Variants in FUT8 observed in about 807,000 individuals in gnomAD.
The protein encoded by FUT8 is alpha-(1,6)-fucosyltransferase.
In FUT8, 29 loss-of-function variants were observed where a neutral mutation model predicts 71.3. The observed-to-expected ratio is 0.41, with a 90% CI of 0.30 to 0.55. The LOEUF (loss-of-function observed/expected upper bound fraction) is 0.55. FUT8 is among the 20% of genes least tolerant of loss of function. FUT8 has a pLI of 0.34. For missense variants in FUT8, 544 were observed against 702.1 expected (o/e 0.77, Z 2.55); for synonymous variants, 254 against 239.3 (o/e 1.06, Z -0.57).
At chr14:65,527,489 C>T (rs1394114952) in intron 2 of FUT8, among the ~76,000 whole-genome samples, 1 of 152,142 alleles carries the variant, frequency 6.6e-6, no homozygotes, top group East Asian at 1.9e-4. Flanking sequence ...AGGTTTTTAG[C>T]TTCTTTGTGA....
chr14:65,742,037 T>C (rs183187630), intron 10 of FUT8, 56 bp from the exon 11 acceptor site: 24 of 1,454,988 alleles, frequency 1.6e-5, no homozygotes, highest in African/African-American at 1.5e-4. Context: ...GGCTTTTAGA[T>C]TGCTGTGAAG....
chr14:65,692,652 C>T (rs568383532), intron 7 of FUT8, among the ~76,000 whole-genome samples: 166 of 150,232 alleles, frequency 1.1e-3, no homozygotes, highest in East Asian at 5.4e-3. Context: ...CGGGCGGAGA[C>T]GCTCCTCACT....
chr14:65,484,867 C>T (rs558683943), intron 2 of FUT8, among the ~76,000 whole-genome samples: 21 of 151,752 alleles, frequency 1.4e-4, no homozygotes, highest in African/African-American at 1.9e-4. Flanking sequence ...ATTTTTGGAT[C>T]GTCTTTATTG....
At chr14:65,368,111 T>G in the FUT8 span, among the ~76,000 whole-genome samples, 1 of 143,838 alleles carries the variant, frequency 7.0e-6, no homozygotes, top group East Asian at 2.1e-4. Context: ...TGGAGTGCAG[T>G]GGTGCGATCT....
At chr14:65,690,401 T>C (rs562312077) in intron 7 of FUT8, among the ~76,000 whole-genome samples, 1 of 152,352 alleles carries the variant, frequency 6.6e-6, no homozygotes, top group South Asian at 2.1e-4. Context: ...TAGAATTAGC[T>C]TATTGATAGC....
At chr14:65,411,730 T>C, upstream of FUT8, 1 of 293,472 alleles carries the variant, frequency 3.4e-6, no homozygotes, top group South Asian at 2.9e-5. Flanking sequence ...GCCCCAGGCT[T>C]GGGATCTGGG....
chr14:65,669,128 T>A lies in FUT8; in HGVS notation c.598-115T>A, dbSNP rs1356578706. 5 of 718,616 alleles carry A rather than the reference T, an allele frequency of 7.0e-6. No homozygotes were observed. Among genetic ancestry groups the A allele is most frequent in the Non-Finnish European group, 1.1e-5 (5 of 438,920 alleles). The allele number at this position is 718,616 out of a possible 1,614,324, so 44.5% of individuals were successfully genotyped here. On this transcript the variant is annotated intron_variant, in intron 6 of 10. Coordinates refer to ENST00000673929, the MANE Select transcript of FUT8 (RefSeq NM_001371533.1). This position sits in a 1 kb window ranked among gnomAD's most constrained non-coding sequence, Gnocchi z 4.5. ...ACCAAACCCCACGACACACAATTTA[T>A]CTATAGAACAAACCTGCATGTGTAC... is the stretch of plus-strand genomic sequence containing the variant.
chr14:65,370,183 C>T, the FUT8 span, among the ~76,000 whole-genome samples: 1 of 145,488 alleles, frequency 6.9e-6, no homozygotes, highest in Non-Finnish European at 1.5e-5. Flanking sequence ...GAAGTCACTG[C>T]TTTAGAGCAC....
chr14:65,733,991 G>A (rs1223532182), intron 10 of FUT8, among the ~76,000 whole-genome samples: 1 of 152,156 alleles, frequency 6.6e-6, no homozygotes, highest in South Asian at 2.1e-4. Context: ...AGCCAGCTTT[G>A]TATGCCCTGT....
At chr14:65,693,314 A>G (rs557240306) in intron 7 of FUT8, among the ~76,000 whole-genome samples, 2,718 of 151,478 alleles carry the variant, frequency 0.018, 72 homozygotes, top group African/African-American at 0.061. Context: ...AGACCAGCCC[A>G]GCCAACACAG....
intron 6 of FUT8, among the ~76,000 whole-genome samples, chr14:65,648,842 G>A (rs1299073018): frequency 6.6e-6 from 1 of 152,088 alleles, no homozygotes; most frequent in Non-Finnish European, 1.5e-5. Context: ...AGTTCTGATG[G>A]TATATTGGAG....
At chr14:65,698,131 C>T (rs549523521) in intron 7 of FUT8, among the ~76,000 whole-genome samples, 1 of 152,066 alleles carries the variant, frequency 6.6e-6, no homozygotes, top group Non-Finnish European at 1.5e-5. Context: ...AATATGAAAT[C>T]TACAAAATTC....
intron 6 of FUT8, among the ~76,000 whole-genome samples, chr14:65,635,870 C>T (rs1890523132): frequency 6.6e-6 from 1 of 152,100 alleles, no homozygotes; most frequent in Non-Finnish European, 1.5e-5. Context: ...AGGGAGGGTT[C>T]CCTCTTTCTC....
At chr14:65,491,860 C>T (rs1407344493) in intron 2 of FUT8, among the ~76,000 whole-genome samples, 1 of 152,058 alleles carries the variant, frequency 6.6e-6, no homozygotes, top group Non-Finnish European at 1.5e-5. Flanking sequence ...TTGTTAAAAA[C>T]TTGTCATCAT....
intron 7 of FUT8, among the ~76,000 whole-genome samples, chr14:65,702,935 C>T (rs997328251): frequency 7.2e-5 from 11 of 152,072 alleles, no homozygotes; most frequent in African/African-American, 2.7e-4. Flanking sequence ...TTAGTAGAAA[C>T]AGGGTTTCAC....
At chr14:65,565,622 C>A (rs979703451) in intron 3 of FUT8, among the ~76,000 whole-genome samples, 1 of 151,898 alleles carries the variant, frequency 6.6e-6, no homozygotes, top group Non-Finnish European at 1.5e-5. Flanking sequence ...TTTGAAATTC[C>A]TACCAGAAAT....
upstream of FUT8, among the ~76,000 whole-genome samples, chr14:65,405,915 T>G (rs2065087429): frequency 6.6e-6 from 1 of 152,196 alleles, no homozygotes; most frequent in African/African-American, 2.4e-5. Flanking sequence ...CCATCTTGGG[T>G]CAGGTGTCCC....
intron 7 of FUT8, among the ~76,000 whole-genome samples, chr14:65,682,276 G>A (rs1030489723): frequency 3.3e-5 from 5 of 152,248 alleles, no homozygotes; most frequent in African/African-American, 1.2e-4. Flanking sequence ...GTTGATGCAG[G>A]AGGATCGCTT....
chr14:65,607,099 G>A lies in FUT8; in HGVS notation c.204-8879G>A, dbSNP rs188478167. On this transcript the variant is annotated intron_variant, in intron 3 of 10. Transcript: ENST00000673929. This position sits in a 1 kb window ranked among gnomAD's most constrained non-coding sequence, Gnocchi z 4.1. ...TGATGTCCCTGAACTTTATTAGTACGATTTGTAGATTATCTTGGATTTTCT... is the reference window on the plus strand; with the variant it reads ...TGATGTCCCTGAACTTTATTAGTACAATTTGTAGATTATCTTGGATTTTCT... 1.3e-5 allele frequency among the ~76,000 whole-genome samples: 2 copies of A among 151,904 alleles called. No individual in the cohort carries two copies. The highest frequency in any genetic ancestry group is 1.3e-4 in the Admixed American group (2 of 15,246).
Sources: allele counts gnomAD v4.1 joint callset (sites outside exome capture counted in the v4.1 genomes callset), GRCh38; gene constraint gnomAD v4.1.1; non-coding constraint Gnocchi (gnomAD v3.1); transcripts MANE v1.5; gene names NCBI Gene and HGNC (gene_info 2026-07-23, HGNC 2026-07-21).